PGGT1B: variants seen among roughly 807,000 people sequenced by gnomAD.
PGGT1B encodes the protein protein geranylgeranyltransferase type I subunit beta.
PGGT1B carries 30 observed loss-of-function variants against 46.1 expected under a neutral mutation model. That is an observed-to-expected ratio of 0.65 (90% confidence interval 0.49 to 0.88). The LOEUF (loss-of-function observed/expected upper bound fraction) is 0.88, where lower values mean the gene tolerates loss of function less well. PGGT1B is among the 40% of genes least tolerant of loss of function. PGGT1B has a pLI of 0.00. For synonymous variants in PGGT1B, 170 were observed against 160.0 expected (o/e 1.06, Z -0.47); for missense variants, 376 against 455.9 (o/e 0.82, Z 1.60).
intron 2 of PGGT1B, among the ~76,000 whole-genome samples, chr5:115,244,449 A>T (rs1747715678): frequency 9.8e-6 from 1 of 101,844 alleles, no homozygotes; most frequent in Non-Finnish European, 1.8e-5. Flanking sequence ...TGGGCAACAG[A>T]GCGAGACTCT....
intron 1 of PGGT1B, among the ~76,000 whole-genome samples, chr5:115,258,493 A>G (rs1196759269): frequency 6.6e-6 from 1 of 152,218 alleles, no homozygotes; most frequent in Non-Finnish European, 1.5e-5. Flanking sequence ...AAAGCTTTCC[A>G]TGATCTGATG....
At chr5:115,235,719 T>C (rs1016723825) in intron 5 of PGGT1B, among the ~76,000 whole-genome samples, 3 of 152,138 alleles carry the variant, frequency 2.0e-5, no homozygotes, top group African/African-American at 4.8e-5. Context: ...ATTTGGGCTG[T>C]TGTGGAATCT....
intron 6 of PGGT1B, among the ~76,000 whole-genome samples, chr5:115,223,940 T>G (rs1756676250): frequency 6.6e-6 from 1 of 152,298 alleles, no homozygotes; most frequent in Middle Eastern, 3.4e-3. Flanking sequence ...GCCTTAACTT[T>G]CCTTTCAGTG....
chr5:115,219,306 G>C (rs1259292269), intron 7 of PGGT1B, among the ~76,000 whole-genome samples: 1 of 151,770 alleles, frequency 6.6e-6, no homozygotes, highest in South Asian at 2.1e-4. Context: ...CATATATATA[G>C]TCAACTGACT....
intron 4 of PGGT1B, among the ~76,000 whole-genome samples, chr5:115,236,765 C>T (rs79975370): frequency 0.03 from 4,504 of 152,220 alleles, 212 homozygotes; most frequent in African/African-American, 0.1. Context: ...TATTTTTACA[C>T]ACTACCATGT....
rs1485122068 is a variant in PGGT1B, at chr5:115,205,229, A to G, written c.*7173T>C. On this transcript the variant is annotated 3_prime_UTR_variant, in exon 9 of 9. Coordinates refer to ENST00000419445, the MANE Select transcript of PGGT1B (RefSeq NM_005023.4). ...TCCAGTGAATTGTATGTCTTTCATGATCCCACCTATACTTTAAGAAAACTT... is the reference window on the plus strand; with the variant it reads ...TCCAGTGAATTGTATGTCTTTCATGGTCCCACCTATACTTTAAGAAAACTT... The G allele has an allele frequency of 2.0e-5, 3 of 152,162 alleles. No homozygotes were observed. Among genetic ancestry groups the G allele is most frequent in the Non-Finnish European group, 2.9e-5 (2 of 68,024 alleles). The allele number at this position is 152,162 out of a possible 1,614,324, so 9.4% of individuals were successfully genotyped here.
At chr5:115,244,466 C>CAAAAA (rs1299602640) in intron 2 of PGGT1B, among the ~76,000 whole-genome samples, 35 of 31,158 alleles carry the variant, frequency 1.1e-3, no homozygotes, top group Admixed American at 3.1e-3. Context: ...CTCTGTCTCA[C>CAAAAA]AAAAAAAAAA....
At chr5:115,242,760 A>G (rs7703973) in intron 2 of PGGT1B, among the ~76,000 whole-genome samples, 2,042 of 152,284 alleles carry the variant, frequency 0.013, 47 homozygotes, top group African/African-American at 0.046. Context: ...TGAGGTCAGG[A>G]GTTCCAGACC....
At chr5:115,243,173 A>G (rs1038479827) in intron 2 of PGGT1B, among the ~76,000 whole-genome samples, 3 of 152,244 alleles carry the variant, frequency 2.0e-5, no homozygotes, top group African/African-American at 4.8e-5. Context: ...TTGCCAATAT[A>G]TAACAGAAGT....
intron 8 of PGGT1B, among the ~76,000 whole-genome samples, chr5:115,215,530 T>A (rs1756388831): frequency 6.6e-6 from 1 of 152,024 alleles, no homozygotes; most frequent in Non-Finnish European, 1.5e-5. Flanking sequence ...ACTCCTTGCC[T>A]CAAGTGATCC....
At chr5:115,214,889 G>A (rs1004249446) in intron 8 of PGGT1B, among the ~76,000 whole-genome samples, 1 of 152,158 alleles carries the variant, frequency 6.6e-6, no homozygotes, top group South Asian at 2.1e-4. Context: ...AGGCACTAGA[G>A]ATATCAAAAA....
chr5:115,252,151 T>A (rs1008173529), intron 2 of PGGT1B, among the ~76,000 whole-genome samples: 1 of 152,218 alleles, frequency 6.6e-6, no homozygotes, highest in Non-Finnish European at 1.5e-5. Flanking sequence ...AACTTATACA[T>A]GCTTTCATTG....
At chr5:115,236,590 G>A in intron 4 of PGGT1B, 68 bp from the exon 5 acceptor site, 2 of 985,522 alleles carry the variant, frequency 2.0e-6, no homozygotes, top group East Asian at 5.8e-5. Context: ...ATGGGGGTTA[G>A]AAACACCTCC....
intron 3 of PGGT1B, among the ~76,000 whole-genome samples, chr5:115,239,970 T>C (rs564754950): frequency 6.6e-6 from 1 of 152,332 alleles, no homozygotes; most frequent in African/African-American, 2.4e-5. Context: ...GAAAACTCAG[T>C]GACAATATTT....
rs764408765 is a variant in PGGT1B, at chr5:115,221,977, T to C, written c.690A>G (p.Leu230=). The C allele has an allele frequency of 5.0e-6, 8 of 1,588,762 alleles. No individual in the cohort carries two copies. In the East Asian group the frequency reaches 9.2e-5, roughly 18 times the overall value. ...GGSTFCGIAS[L]CLMGKLEEVF... ...CTTCTTCTAGTTTACCCATCAGACA[T>C]AGTGAGGCAATGCCACAAAAAGTTG... The change falls in exon 7 of 9, where the codon CTA becomes CTG. Residue 230 remains leucine, a synonymous_variant. Transcript: ENST00000419445.
chr5:115,229,462 G>T (rs1348995350), intron 6 of PGGT1B, among the ~76,000 whole-genome samples: 1 of 152,128 alleles, frequency 6.6e-6, no homozygotes, highest in Non-Finnish European at 1.5e-5. Context: ...CATCACTGAT[G>T]ATCCTAATGG....
intron 7 of PGGT1B, among the ~76,000 whole-genome samples, chr5:115,221,088 A>C (rs1229299201): frequency 6.6e-6 from 1 of 152,012 alleles, no homozygotes; most frequent in African/African-American, 2.4e-5. Context: ...TCATCATTTT[A>C]AACCATTCTT....
rs1337778826 is a variant in PGGT1B, at chr5:115,207,166, T to C, written c.*5236A>G. The C allele has an allele frequency of 3.9e-5, 5 of 128,532 alleles. No individual in the cohort carries two copies. The highest frequency in any genetic ancestry group is 6.7e-5 in the Non-Finnish European group (4 of 59,710). The allele number at this position is 128,532 out of a possible 1,614,324, so 8.0% of individuals were successfully genotyped here. A position where few individuals can be genotyped will look rare whatever the true frequency, so the allele number is the denominator to read the frequency against. On this transcript the variant is annotated 3_prime_UTR_variant, in exon 9 of 9. Coordinates refer to ENST00000419445, the MANE Select transcript of PGGT1B (RefSeq NM_005023.4). The stretch of plus-strand genomic sequence containing the variant: ...TCAAGTATCTTCTAACTAGTTTAGG[T>C]TTGCATATACATACATATATATATA...
chr5:115,250,897 A>G (rs1367631115), intron 2 of PGGT1B, among the ~76,000 whole-genome samples: 1 of 152,120 alleles, frequency 6.6e-6, no homozygotes, highest in Non-Finnish European at 1.5e-5. Context: ...TCTCTCATAA[A>G]CATGCTTGTG....
Sources: gnomAD v4.1 joint callset for allele counts (sites outside exome capture counted in the v4.1 genomes callset) on GRCh38, gnomAD v4.1.1 for gene constraint, MANE v1.5 for transcripts, NCBI Gene and HGNC (gene_info 2026-07-23, HGNC 2026-07-21) for gene names.